Variants in NEGR1 observed in about 807,000 individuals in gnomAD.
NEGR1 encodes the protein IgLON family member 4.
In NEGR1, 10 loss-of-function variants were observed where a neutral mutation model predicts 40.9. The observed-to-expected ratio is 0.24, with a 90% CI of 0.15 to 0.42. NEGR1 has a LOEUF of 0.42. NEGR1 is among the 10% of genes least tolerant of loss of function. The pLI, the probability that NEGR1 is intolerant of heterozygous loss-of-function variation, is 1.00. For synonymous variants in NEGR1, 185 were observed against 166.8 expected (o/e 1.11, Z -0.84); for missense variants, 352 against 438.9 (o/e 0.80, Z 1.77).
intron 2 of NEGR1, among the ~76,000 whole-genome samples, chr1:71,873,545 T>C (rs1660340856): frequency 6.6e-6 from 1 of 152,186 alleles, no homozygotes; most frequent in Admixed American, 6.5e-5. Flanking sequence ...ATTCATAGCA[T>C]TATTATACAA....
chr1:71,871,197 T>A (rs987699255), intron 2 of NEGR1, among the ~76,000 whole-genome samples: 1 of 152,158 alleles, frequency 6.6e-6, no homozygotes, highest in Admixed American at 6.5e-5. Context: ...AAAGAAACAC[T>A]TATGTAGGCT....
intron 1 of NEGR1, among the ~76,000 whole-genome samples, chr1:71,982,142 T>C (rs1366605056): frequency 6.6e-6 from 1 of 152,158 alleles, no homozygotes; most frequent in African/African-American, 2.4e-5. Flanking sequence ...CAATGGTAAA[T>C]GAAAACCTAA....
At chr1:71,849,609 A>G (rs1358334883) in intron 2 of NEGR1, among the ~76,000 whole-genome samples, 1 of 152,194 alleles carries the variant, frequency 6.6e-6, no homozygotes, top group Non-Finnish European at 1.5e-5. Flanking sequence ...TTATATTGGC[A>G]AAATGCTATC....
intron 2 of NEGR1, among the ~76,000 whole-genome samples, chr1:71,931,127 T>C (rs1327189749): frequency 6.6e-6 from 1 of 152,192 alleles, no homozygotes; most frequent in Non-Finnish European, 1.5e-5. Context: ...CTAGGTGAGT[T>C]ATGTACCCTA....
At chr1:71,705,116 C>A (rs180886691) in intron 3 of NEGR1, among the ~76,000 whole-genome samples, 50 of 151,986 alleles carry the variant, frequency 3.3e-4, no homozygotes, top group African/African-American at 1.2e-3. Flanking sequence ...CTCAATCTGC[C>A]AAAGACTTCT....
chr1:72,149,366 G>A (rs1334741292), intron 1 of NEGR1, among the ~76,000 whole-genome samples: 1 of 151,968 alleles, frequency 6.6e-6, no homozygotes, highest in Non-Finnish European at 1.5e-5. Flanking sequence ...ATTTGGGTGG[G>A]GACACAGCCA....
At chr1:71,478,101 C>A (rs1239760050) in intron 6 of NEGR1, among the ~76,000 whole-genome samples, 1 of 151,868 alleles carries the variant, frequency 6.6e-6, no homozygotes, top group Non-Finnish European at 1.5e-5. Flanking sequence ...TCTCTTTTGT[C>A]CCATTTTACT....
intron 6 of NEGR1, among the ~76,000 whole-genome samples, chr1:71,558,752 A>T (rs1354476896): frequency 7.6e-6 from 1 of 130,878 alleles, no homozygotes; most frequent in African/African-American, 3.0e-5. Context: ...GCACTTCTTT[A>T]CATCCTAGCA....
chr1:71,840,612 C>T (rs1042335456), intron 2 of NEGR1, among the ~76,000 whole-genome samples: 3 of 151,984 alleles, frequency 2.0e-5, no homozygotes, highest in African/African-American at 4.8e-5. Flanking sequence ...AGTTATGATA[C>T]TCAGAGTAAT....
intron 1 of NEGR1, among the ~76,000 whole-genome samples, chr1:71,957,089 C>T (rs903818179): frequency 6.6e-6 from 1 of 152,072 alleles, no homozygotes; most frequent in Non-Finnish European, 1.5e-5. Flanking sequence ...CACAAGTATT[C>T]CCAAATTTAT....
At position 71,407,297 on chromosome 1, in the gene NEGR1, T is replaced by G; in HGVS notation, c.*149A>C. 1.6e-6 allele frequency: 1 copy of G among 609,130 alleles called. No individual in the cohort carries two copies. 37.7% of individuals were successfully genotyped at this position (609,130 alleles called of 1,614,324 possible). A position where few individuals can be genotyped will look rare whatever the true frequency, so the allele number is the denominator to read the frequency against. On this transcript the variant is annotated 3_prime_UTR_variant, in exon 7 of 7. Coordinates refer to ENST00000357731, the MANE Select transcript of NEGR1 (RefSeq NM_173808.3). Reference sequence around the variant, plus strand: ...CAAAAAAGAGTAGAATTAAAGTATTTACATAATGAGCAATTCTACAGAAGG... The same window carrying G: ...CAAAAAAGAGTAGAATTAAAGTATTGACATAATGAGCAATTCTACAGAAGG...
intron 6 of NEGR1, among the ~76,000 whole-genome samples, chr1:71,525,533 T>C (rs1186789864): frequency 6.6e-6 from 1 of 151,744 alleles, no homozygotes; most frequent in East Asian, 1.9e-4. Flanking sequence ...CATTCATTTA[T>C]GCATTTATGC....
chr1:71,711,994 AT>A, intron 3 of NEGR1, among the ~76,000 whole-genome samples: 1 of 152,344 alleles, frequency 6.6e-6, no homozygotes, highest in Admixed American at 6.5e-5. Flanking sequence ...TGAAGAATAG[AT>A]CAGTTGTTCC....
At chr1:71,414,828 C>A (rs958535102) in intron 6 of NEGR1, among the ~76,000 whole-genome samples, 4 of 152,110 alleles carry the variant, frequency 2.6e-5, no homozygotes, top group African/African-American at 9.7e-5. Context: ...ACTAAACACA[C>A]CTTCATTGTG....
intron 1 of NEGR1, among the ~76,000 whole-genome samples, chr1:72,254,080 C>G (rs772904704): frequency 6.6e-5 from 10 of 152,154 alleles, no homozygotes; most frequent in Non-Finnish European, 1.3e-4. Flanking sequence ...CCTCCTAACC[C>G]AAATTCTATA....
rs141003024 is a variant in NEGR1 at position 71,922,330 on chromosome 1, A to C, written c.409+12749T>G. Among the ~76,000 whole-genome samples the C allele has an allele frequency of 3.9e-5, 6 of 152,322 alleles. No individual in the cohort carries two copies. In the East Asian group the frequency reaches 1.2e-3, roughly 29 times the overall value. On this transcript the variant is annotated intron_variant, in intron 2 of 6. Transcript: ENST00000357731. ...GAGTGAACCCTGCCAGAAACTAAAA[A>C]ACATAGTAGGCTGGGAATGCACCTT...
chr1:71,957,806 G>C (rs1046455105), intron 1 of NEGR1, among the ~76,000 whole-genome samples: 9 of 152,110 alleles, frequency 5.9e-5, no homozygotes, highest in African/African-American at 2.2e-4. Context: ...TAAGCCCAAA[G>C]GCATTATCCT....
At chr1:72,038,659 T>A (rs1557495721) in intron 1 of NEGR1, among the ~76,000 whole-genome samples, 1 of 152,026 alleles carries the variant, frequency 6.6e-6, no homozygotes, top group Non-Finnish European at 1.5e-5. Flanking sequence ...ACTTCATTAG[T>A]TCACAGTGAT....
intron 1 of NEGR1, among the ~76,000 whole-genome samples, chr1:72,073,124 A>T (rs1378467413): frequency 6.6e-6 from 1 of 152,130 alleles, no homozygotes; most frequent in Non-Finnish European, 1.5e-5. Flanking sequence ...AGTCCAAAGA[A>T]GACCTTAAGC....
Sources: gnomAD v4.1 joint callset for allele counts (sites outside exome capture counted in the v4.1 genomes callset) on GRCh38, gnomAD v4.1.1 for gene constraint, MANE v1.5 for transcripts, NCBI Gene and HGNC (gene_info 2026-07-23, HGNC 2026-07-21) for gene names.